Variants in CSMD1 observed in about 807,000 individuals in gnomAD.
CSMD1 encodes CUB and sushi domain-containing protein 1.
Under a neutral mutation model 417.5 loss-of-function variants are expected in CSMD1, and 213 were observed. The ratio of observed to expected loss-of-function variants is 0.51; its 90% CI spans 0.46 to 0.57. The LOEUF is 0.57. Among genes scored for constraint, CSMD1 ranks in the 20% least tolerant of loss-of-function variants. CSMD1 has a pLI of 0.00. For missense variants in CSMD1, 6,923 were observed against 4,529.7 expected, an observed-to-expected ratio of 1.53 and a Z score of -15.17; for synonymous variants, 2,862 against 1,736.8, an observed-to-expected ratio of 1.65 and a Z score of -16.11.
chr8:4,985,381 A>T (rs28485507), intron 1 of CSMD1, among the ~76,000 whole-genome samples: 4,154 of 141,904 alleles, frequency 0.029, 112 homozygotes, highest in East Asian at 0.097. Context: ...AGTTTTTTTT[A>T]AAAAAAAATG....
At chr8:4,586,602 T>C (rs191481041) in intron 2 of CSMD1, among the ~76,000 whole-genome samples, 6 of 152,310 alleles carry the variant, frequency 3.9e-5, no homozygotes, top group Admixed American at 3.3e-4. Flanking sequence ...TCTAGGACTT[T>C]TGGATAAACA....
rs979101725 is a variant in CSMD1 at position 4,041,165 on chromosome 8, C to T, written c.416-9066G>A. On this transcript the variant is annotated intron_variant, in intron 3 of 69. Coordinates refer to ENST00000635120, the MANE Select transcript of CSMD1 (RefSeq NM_033225.6). ...CCGAGTAGCTGGGACTACAGGCGCC[C>T]GCCACCACGCCCGGCTAATTTTTTT... 5.5e-4 allele frequency among the ~76,000 whole-genome samples: 83 copies of T among 151,704 alleles called. No homozygotes were observed. In the East Asian group the frequency reaches 9.4e-3, roughly 17 times the overall value.
chr8:4,783,933 A>G (rs758741051), intron 1 of CSMD1, among the ~76,000 whole-genome samples: 9 of 152,242 alleles, frequency 5.9e-5, no homozygotes, highest in Non-Finnish European at 1.0e-4. Context: ...AGTTGGCTCA[A>G]TATAGAGTTA....
At chr8:3,928,708 T>A (rs556406575) in intron 5 of CSMD1, among the ~76,000 whole-genome samples, 2 of 150,278 alleles carry the variant, frequency 1.3e-5, no homozygotes, top group Non-Finnish European at 3.0e-5. Context: ...TTTGGATCTA[T>A]GCTATTTCTT....
chr8:4,693,240 A>G (rs557282897), intron 1 of CSMD1, among the ~76,000 whole-genome samples: 63 of 152,224 alleles, frequency 4.1e-4, no homozygotes, highest in Non-Finnish European at 8.2e-4. Context: ...ATGAGCAAGA[A>G]ATGTTCTCTG....
intron 2 of CSMD1, among the ~76,000 whole-genome samples, chr8:4,620,890 T>C (rs997075269): frequency 3.3e-5 from 5 of 150,610 alleles, no homozygotes; most frequent in South Asian, 2.1e-4. Context: ...AAGAGAAAAA[T>C]TGAGTAAAGT....
intron 26 of CSMD1, among the ~76,000 whole-genome samples, chr8:3,264,716 G>T (rs540273804): frequency 1.3e-5 from 2 of 152,106 alleles, no homozygotes; most frequent in African/African-American, 2.4e-5. Context: ...TAATTAACTA[G>T]GAAATGATTG....
chr8:4,650,948 C>G (rs970940651), intron 1 of CSMD1, among the ~76,000 whole-genome samples: 1 of 152,106 alleles, frequency 6.6e-6, no homozygotes, highest in Admixed American at 6.5e-5. Flanking sequence ...TACAAATGAA[C>G]CAGAAACTTG....
At chr8:3,223,974 A>G in intron 27 of CSMD1, 107 bp from the exon 28 acceptor site, 1 of 1,073,088 alleles carries the variant, frequency 9.3e-7, no homozygotes, top group Non-Finnish European at 1.3e-6. Context: ...AGACATCAGC[A>G]TTTTTACCAG....
chr8:3,934,645 G>T (rs1315876603), intron 5 of CSMD1, among the ~76,000 whole-genome samples: 1 of 152,074 alleles, frequency 6.6e-6, no homozygotes, highest in African/African-American at 2.4e-5. Flanking sequence ...CCTCAGGTCA[G>T]GAGTTCGAGA....
At chr8:4,547,872 C>A (rs1023028797) in intron 2 of CSMD1, among the ~76,000 whole-genome samples, 5 of 151,908 alleles carry the variant, frequency 3.3e-5, no homozygotes, top group African/African-American at 1.2e-4. Flanking sequence ...ACGGGATATC[C>A]CAGAAGAAAT....
intron 1 of CSMD1, among the ~76,000 whole-genome samples, chr8:4,965,530 C>G (rs1335956333): frequency 6.6e-6 from 1 of 152,122 alleles, no homozygotes; most frequent in African/African-American, 2.4e-5. Context: ...GGCATGTGGC[C>G]CTGGCCAAAC....
intron 64 of CSMD1, among the ~76,000 whole-genome samples, chr8:2,954,588 A>C (rs561808707): frequency 6.6e-6 from 1 of 152,278 alleles, no homozygotes; most frequent in East Asian, 1.9e-4. Flanking sequence ...ATACCCTGCC[A>C]CATACTAAAA....
intron 24 of CSMD1, 111 bp downstream of exon 24, chr8:3,308,201 G>GAAAGTGTGATA (rs1252033864): frequency 7.5e-6 from 6 of 801,738 alleles, no homozygotes; most frequent in Non-Finnish European, 9.8e-6. Context: ...ACTCACACTG[G>GAAAGTGTGATA]AAAGTGTGAT....
chr8:4,098,920 A>G (rs139650665), intron 3 of CSMD1, among the ~76,000 whole-genome samples: 227 of 152,278 alleles, frequency 1.5e-3, no homozygotes, highest in Non-Finnish European at 2.4e-3. Flanking sequence ...AGTATTAGAG[A>G]CTGGGGTACA....
chr8:4,736,873 T>G (rs1217520463), intron 1 of CSMD1, among the ~76,000 whole-genome samples: 1 of 152,152 alleles, frequency 6.6e-6, no homozygotes, highest in Admixed American at 6.6e-5. Context: ...AGAGCTGGTA[T>G]GTAAGCGTTC....
At chr8:4,201,356 G>T (rs549769056) in intron 3 of CSMD1, among the ~76,000 whole-genome samples, 29 of 152,066 alleles carry the variant, frequency 1.9e-4, no homozygotes, top group South Asian at 1.7e-3. Context: ...GGGTAACACG[G>T]TGAAACCCCA....
rs534150654 is a variant in CSMD1 at position 4,470,461 on chromosome 8, G to T, written c.303-50396C>A. ...TGCTATGTAGACAGGTTGGGGTCAT[G>T]GTCGGCAGCTCAATGCTTAACTGGA... On this transcript the variant is annotated intron_variant, in intron 2 of 69. Transcript: ENST00000635120. Among the ~76,000 whole-genome samples, 6 of 152,294 alleles carry T rather than the reference G, an allele frequency of 3.9e-5. No individual in the cohort carries two copies. The East Asian group carries it at 7.7e-4, about 20-fold the overall frequency.
chr8:4,347,731 C>G (rs1212063274), intron 3 of CSMD1, among the ~76,000 whole-genome samples: 2 of 152,056 alleles, frequency 1.3e-5, no homozygotes, highest in African/African-American at 2.4e-5. Context: ...TAACTCAATT[C>G]TGAGTGCCTA....
Sources: gnomAD v4.1 joint callset for allele counts (sites outside exome capture counted in the v4.1 genomes callset) on GRCh38, gnomAD v4.1.1 for gene constraint, MANE v1.5 for transcripts, NCBI Gene and HGNC (gene_info 2026-07-23, HGNC 2026-07-21) for gene names.